MICAL3: variants seen among roughly 807,000 people sequenced by gnomAD.
MICAL3 encodes the protein microtubule associated monooxygenase, calponin and LIM domain containing 3, also known as [F-actin]-monooxygenase MICAL3.
In MICAL3, 62 loss-of-function variants were observed where a neutral mutation model predicts 207.4. That is an observed-to-expected ratio of 0.30 (90% CI 0.24 to 0.37). The LOEUF (loss-of-function observed/expected upper bound fraction) is 0.37. MICAL3 is among the 10% of genes least tolerant of loss of function. The probability of loss-of-function intolerance (pLI) is 1.00; values close to 1 mark genes in which losing one functional copy is unlikely to be tolerated. For missense variants in MICAL3, 2,368 were observed against 2,635.6 expected (o/e 0.90, Z 2.22); for synonymous variants, 1,077 against 1,069.3 (o/e 1.01, Z -0.14).
intron 28 of MICAL3, among the ~76,000 whole-genome samples, chr22:17,810,187 C>T (rs921243319): frequency 4.0e-5 from 6 of 151,864 alleles, no homozygotes; most frequent in East Asian, 1.9e-4. Flanking sequence ...CTCAGCCACC[C>T]GAGTAGCTGG....
At chr22:17,800,790 A>C (rs983408378) in intron 29 of MICAL3, among the ~76,000 whole-genome samples, 1 of 152,200 alleles carries the variant, frequency 6.6e-6, no homozygotes, top group Non-Finnish European at 1.5e-5. Flanking sequence ...CAGGTTTTAC[A>C]TATGAGGCTC....
chr22:17,921,613 C>T (rs1932801553), intron 1 of MICAL3, among the ~76,000 whole-genome samples: 1 of 152,120 alleles, frequency 6.6e-6, no homozygotes, highest in Non-Finnish European at 1.5e-5. Context: ...CTCAGCCTCC[C>T]TAGTAGCTGG....
At chr22:17,978,715 CA>C (rs1404048714) in intron 1 of MICAL3, among the ~76,000 whole-genome samples, 1 of 151,898 alleles carries the variant, frequency 6.6e-6, no homozygotes, top group Non-Finnish European at 1.5e-5. Flanking sequence ...GACGGGGTTT[CA>C]CCACGTTGGC....
At chr22:17,846,060 A>G (rs563891589) in intron 19 of MICAL3, among the ~76,000 whole-genome samples, 1 of 152,376 alleles carries the variant, frequency 6.6e-6, no homozygotes, top group African/African-American at 2.4e-5. Flanking sequence ...AAGAAACCAG[A>G]AGCACTGGGA....
rs544564324 is a variant in MICAL3, at chr22:17,902,518, T to C, written c.589+113A>G. The C allele has an allele frequency of 3.4e-4, 215 of 623,520 alleles. No homozygotes were observed. Among genetic ancestry groups the C allele is most frequent in the Middle Eastern group, 2.1e-3 (5 of 2,358 alleles). The allele number at this position is 623,520 out of a possible 1,614,324, so 38.6% of individuals were successfully genotyped here. A position where few individuals can be genotyped will look rare whatever the true frequency, so the allele number is the denominator to read the frequency against. ...AGGCCAAGTCCCCAAAGGCACAGGC[T>C]TTGGCTAGCTCTGGAAGCAGCCCTC... On this transcript the variant is annotated intron_variant, in intron 4 of 31. Transcript: ENST00000441493. This position sits in a 1 kb window ranked among gnomAD's most constrained non-coding sequence, Gnocchi z 4.5.
chr22:17,822,009 TC>T lies in MICAL3; in HGVS notation c.3448+20del, dbSNP rs1921704986. 3 of 1,611,990 alleles carry T rather than the reference TC, an allele frequency of 1.9e-6. No individual in the cohort carries two copies. Among genetic ancestry groups the T allele is most frequent in the Non-Finnish European group, 2.5e-6 (3 of 1,179,026 alleles). On this transcript the variant is annotated intron_variant, in intron 24 of 31. Coordinates refer to ENST00000441493, the MANE Select transcript of MICAL3 (RefSeq NM_015241.3). ...TCGTAGGAATTCTGAAAGTTGTTTCTCCCATCAAAGACAGGCTCACCTCTCT... is the reference window on the plus strand; with the variant it reads ...TCGTAGGAATTCTGAAAGTTGTTTCTCCATCAAAGACAGGCTCACCTCTCT...
rs574009049 is a variant in MICAL3 at position 17,841,468 on chromosome 22, T to A, written c.2801+354A>T. 124 of 461,950 alleles carry A rather than the reference T, an allele frequency of 2.7e-4. No homozygotes were observed. Among genetic ancestry groups the A allele is most frequent in the Middle Eastern group, 1.7e-3 (3 of 1,782 alleles). The allele number at this position is 461,950 out of a possible 1,614,324, so 28.6% of individuals were successfully genotyped here. A position where few individuals can be genotyped will look rare whatever the true frequency, so the allele number is the denominator to read the frequency against. On this transcript the variant is annotated intron_variant, in intron 20 of 31. Coordinates refer to ENST00000441493, the MANE Select transcript of MICAL3 (RefSeq NM_015241.3). This position sits in a 1 kb window ranked among gnomAD's most constrained non-coding sequence, Gnocchi z 4.2. ...CCCTCAAGACGGCCCGGTGCACTGG[T>A]GGCTGAATCACCCAGAGTCCCTCCC...
chr22:17,886,039 G>C lies in MICAL3; in HGVS notation c.2080C>G (p.Arg694Gly), dbSNP rs143872393. The C allele has an allele frequency of 1.3e-5, 21 of 1,613,778 alleles. No homozygotes were observed. The highest frequency in any genetic ancestry group is 1.8e-5 in the Non-Finnish European group (21 of 1,179,894). Residue 694 changes from arginine (R) to glycine (G), a missense_variant, in exon 16 of 32, where the codon CGG (arginine) becomes GGG (glycine). Transcript: ENST00000441493. ...TSQSEEEEAP[R>G]GHRGERPTLV... is the part of the protein sequence containing the mutation. ...GTCGGTCTTTCTCCTCTGTGGCCCC[G>C]AGGAGCTTCCTCCTGGTCAATGCCA...
chr22:17,989,018 CG>C (rs942900987), intron 1 of MICAL3, among the ~76,000 whole-genome samples: 13 of 152,232 alleles, frequency 8.5e-5, no homozygotes, highest in Admixed American at 8.5e-4. Flanking sequence ...GACTCCTCCC[CG>C]GCTGATCTTG....
At chr22:17,897,876 T>A (rs1453363493) in intron 7 of MICAL3, among the ~76,000 whole-genome samples, 1 of 152,170 alleles carries the variant, frequency 6.6e-6, no homozygotes, top group Non-Finnish European at 1.5e-5. Flanking sequence ...ACTGAAAAAC[T>A]CCTTTTCTGT....
chr22:17,795,383 A>C (rs1038823134), intron 29 of MICAL3, among the ~76,000 whole-genome samples: 1 of 152,232 alleles, frequency 6.6e-6, no homozygotes, highest in East Asian at 1.9e-4. Context: ...TCACAGGTGA[A>C]TAGGCCATGC....
At chr22:17,929,861 C>T (rs1401571144) in intron 1 of MICAL3, among the ~76,000 whole-genome samples, 2 of 152,198 alleles carry the variant, frequency 1.3e-5, no homozygotes, top group Non-Finnish European at 2.9e-5. Flanking sequence ...AGCCACTGCG[C>T]CCGGCCTCTA....
intron 17 of MICAL3, among the ~76,000 whole-genome samples, chr22:17,866,290 T>TGA (rs1053872578): frequency 2.0e-5 from 3 of 152,198 alleles, no homozygotes; most frequent in African/African-American, 7.2e-5. Flanking sequence ...AGCAAAGATG[T>TGA]GAGGCCTGTG....
chr22:17,928,377 T>G (rs1933031532), intron 1 of MICAL3, among the ~76,000 whole-genome samples: 1 of 151,320 alleles, frequency 6.6e-6, no homozygotes, highest in South Asian at 2.1e-4. Flanking sequence ...AGGCGGAGCT[T>G]GCAGTGAGCC....
In MICAL3 at chr22:17,871,982, G is replaced by A. The variant is rs749927334; in HGVS notation, c.2283C>T (p.Ser761=). ...KKEFPQNLGG[S]DTCYFCQKRV... Reference sequence around the variant, plus strand: ...GCTTCTGGCAGAAGTAGCATGTGTCGCTGCCTCCCAGGTTCTGCGGGAACT... The same window carrying A: ...GCTTCTGGCAGAAGTAGCATGTGTCACTGCCTCCCAGGTTCTGCGGGAACT... Residue 761 remains serine (S), a synonymous_variant, in exon 17 of 32, where the codon AGC becomes AGT. Coordinates refer to ENST00000441493, the MANE Select transcript of MICAL3 (RefSeq NM_015241.3). The A allele has an allele frequency of 5.0e-6, 8 of 1,610,404 alleles. No individual in the cohort carries two copies. The highest frequency in any genetic ancestry group is 1.7e-5 in the Admixed American group (1 of 59,574).
chr22:17,838,610 G>T (rs188763382), intron 20 of MICAL3, among the ~76,000 whole-genome samples: 1 of 152,318 alleles, frequency 6.6e-6, no homozygotes, highest in East Asian at 1.9e-4. Flanking sequence ...ATTGCCAACA[G>T]CTAGCAGGTG....
At chr22:17,980,113 A>G (rs1935841954) in intron 1 of MICAL3, among the ~76,000 whole-genome samples, 1 of 152,108 alleles carries the variant, frequency 6.6e-6, no homozygotes, top group Admixed American at 6.5e-5. Flanking sequence ...ACAGGGGTGA[A>G]CCACCGCACC....
In MICAL3 at chr22:17,790,751, A is replaced by G; in HGVS notation, c.5990T>C (p.Phe1997Ser). Reference protein sequence around the residue: ...DLEAAMLSKGFSLNWS With the variant: ...DLEAAMLSKGSSLNWS ...GGGAGCTCAGGACCAGTTAAGGCTGAAGCCCTTGGACAGCATGGCAGCCTC... is the reference window on the plus strand; with the variant it reads ...GGGAGCTCAGGACCAGTTAAGGCTGGAGCCCTTGGACAGCATGGCAGCCTC... The change falls in exon 32 of 32, where the codon TTC becomes TCC. Residue 1997 changes from phenylalanine (F) to serine (S), a missense_variant. Phe to Ser is a radical substitution (Grantham distance 155, BLOSUM62 -2). This residue lies in a region of MICAL3 where 1,770 missense variants were observed against 1,863.2 expected (regional missense o/e 0.95). Transcript: ENST00000441493. 1 of 1,606,242 alleles carries G rather than the reference A, an allele frequency of 6.2e-7. No individual in the cohort carries two copies. The highest frequency in any genetic ancestry group is 8.5e-7 in the Non-Finnish European group (1 of 1,176,238).
intron 28 of MICAL3, among the ~76,000 whole-genome samples, chr22:17,810,502 T>G (rs960241281): frequency 1.4e-4 from 21 of 152,216 alleles, no homozygotes; most frequent in African/African-American, 5.1e-4. Context: ...CCCAGCCTGC[T>G]CTTCCCTTTT....
Sources: allele counts gnomAD v4.1 joint callset (sites outside exome capture counted in the v4.1 genomes callset), GRCh38; gene constraint gnomAD v4.1.1; regional missense constraint gnomAD v4.1.1; non-coding constraint Gnocchi (gnomAD v3.1); transcripts MANE v1.5; gene names NCBI Gene and HGNC (gene_info 2026-07-23, HGNC 2026-07-21).